Variants in GLB1L2 observed in about 807,000 individuals in gnomAD.
The protein encoded by GLB1L2 is galactosidase beta 1 like 2.
GLB1L2 carries 68 observed loss-of-function variants against 84.1 expected under a neutral mutation model. That is an observed-to-expected ratio of 0.81 (90% CI 0.67 to 0.99). The LOEUF is 0.99. Ranked by LOEUF, GLB1L2 falls within the 50% of genes least tolerant of loss-of-function variation. The probability of loss-of-function intolerance (pLI) is 0.00; values close to 1 mark genes in which losing one functional copy is unlikely to be tolerated. For synonymous variants in GLB1L2, 290 were observed against 318.0 expected (o/e 0.91, Z 0.94); for missense variants, 762 against 805.6 (o/e 0.95, Z 0.66).
chr11:134,371,804 G>A lies in GLB1L2; in HGVS notation c.1481G>A (p.Gly494Glu), dbSNP rs1422038547. ...LVENRGRVNYGENIDDQRKGL... is the reference protein window; with the variant it reads ...LVENRGRVNYEENIDDQRKGL... The stretch of plus-strand genomic sequence containing the variant: ...GAGAATCGTGGGCGAGTCAACTATG[G>A]GGAGAATATTGATGACCAGCGCAAA... The change falls in exon 15 of 19, where the codon GGG (glycine) becomes GAG (glutamate). Residue 494 changes from glycine (G) to glutamate (E), a missense_variant. Coordinates refer to ENST00000535456, the MANE Select transcript of GLB1L2 (RefSeq NM_001370461.1). The A allele has an allele frequency of 6.2e-7, 1 of 1,614,166 alleles. No individual in the cohort carries two copies. The highest frequency in any genetic ancestry group is 2.2e-5 in the East Asian group (1 of 44,876).
intron 1 of GLB1L2, among the ~76,000 whole-genome samples, chr11:134,341,135 A>G (rs2136260837): frequency 6.6e-6 from 1 of 152,362 alleles, no homozygotes. Context: ...ACTTGTGGCT[A>G]TTCTCTCTAA....
rs775295524 is a variant in GLB1L2 at position 134,369,801 on chromosome 11, G to C, written c.1028-4G>C. The C allele has an allele frequency of 1.2e-5, 20 of 1,609,964 alleles. No homozygotes were observed. The highest frequency in any genetic ancestry group is 1.6e-5 in the Non-Finnish European group (19 of 1,176,596). On this transcript the variant is annotated splice_polypyrimidine_tract_variant and splice_region_variant and intron_variant, in intron 10 of 18. Transcript: ENST00000535456. The stretch of plus-strand genomic sequence containing the variant: ...TGACCATGACAGGGCCCGGTGTCTT[G>C]CAGACTATGATGCTGTGCTGACAGA...
rs1359769502 is a variant in GLB1L2, at chr11:134,374,935, C to T, written c.1825-37C>T. The T allele has an allele frequency of 1.0e-5, 16 of 1,583,076 alleles. 1 individual carries two copies. The highest frequency in any genetic ancestry group is 3.5e-4 in the Middle Eastern group (2 of 5,760). On this transcript the variant is annotated intron_variant, in intron 18 of 18. Coordinates refer to ENST00000535456, the MANE Select transcript of GLB1L2 (RefSeq NM_001370461.1). ...GCACCTCCCCTGGCTCCAGGACAGACGTCAGCTGCCCTCCCAGCCGGGCCC... is the reference window on the plus strand; with the variant it reads ...GCACCTCCCCTGGCTCCAGGACAGATGTCAGCTGCCCTCCCAGCCGGGCCC...
At chr11:134,346,183 G>A (rs1005129219) in intron 4 of GLB1L2, among the ~76,000 whole-genome samples, 1 of 152,088 alleles carries the variant, frequency 6.6e-6, no homozygotes, top group African/African-American at 2.4e-5. Context: ...CCCTTCCCTC[G>A]GGGGCATAGC....
At position 134,358,525 on chromosome 11, in the gene GLB1L2, C is replaced by A. The variant is rs1419106074; in HGVS notation, c.652-535C>A. ...TTTACAGCTGGGAGGATGCTTCCTG[C>A]TGTTCTGGGCATGGGCAGTGCACCG... is the stretch of plus-strand genomic sequence containing the variant. On this transcript the variant is annotated intron_variant, in intron 6 of 18. Transcript: ENST00000535456. Among the ~76,000 whole-genome samples, 5 of 152,398 alleles carry A rather than the reference C, an allele frequency of 3.3e-5. No homozygotes were observed. The East Asian group carries it at 7.7e-4, about 23-fold the overall frequency.
At chr11:134,342,714 C>T in intron 1 of GLB1L2, 40 bp from the exon 2 acceptor site, 1 of 1,577,772 alleles carries the variant, frequency 6.3e-7, no homozygotes, top group Non-Finnish European at 8.7e-7. Context: ...CTCTCTGCGG[C>T]CCGGAGCCTC....
In GLB1L2 at chr11:134,347,404, C is replaced by T. The variant is rs758174554; in HGVS notation, c.529C>T (p.His177Tyr). The change falls in exon 5 of 19, where the codon CAC becomes TAC. Residue 177 changes from histidine to tyrosine, a missense_variant. By Grantham distance (83) the His-to-Tyr change is moderately conservative. Coordinates refer to ENST00000535456, the MANE Select transcript of GLB1L2 (RefSeq NM_001370461.1). ...FTEAVDLYFD[H>Y]LMSRVVPLQY... Reference sequence around the variant, plus strand: ...CGAAGCAGTGGACCTTTATTTTGACCACCTGATGTCCAGGGTGGTGCCACT... The same window carrying T: ...CGAAGCAGTGGACCTTTATTTTGACTACCTGATGTCCAGGGTGGTGCCACT... 2 of 1,613,974 alleles carry T rather than the reference C, an allele frequency of 1.2e-6. No individual in the cohort carries two copies. Among genetic ancestry groups the T allele is most frequent in the Non-Finnish European group, 1.7e-6 (2 of 1,179,824 alleles).
intron 5 of GLB1L2, chr11:134,355,991 C>T: frequency 1.9e-6 from 1 of 522,218 alleles, no homozygotes; most frequent in Non-Finnish European, 3.7e-6. Context: ...CTTGTGAAAA[C>T]ATCATACAAT....
chr11:134,333,181 T>G (rs1943331236), intron 1 of GLB1L2, among the ~76,000 whole-genome samples: 1 of 152,172 alleles, frequency 6.6e-6, no homozygotes, highest in Admixed American at 6.5e-5. Context: ...CAAGACTGGA[T>G]TCTTGTTTCT....
chr11:134,358,774 A>G (rs912236180), intron 6 of GLB1L2, among the ~76,000 whole-genome samples: 2 of 148,958 alleles, frequency 1.3e-5, no homozygotes, highest in Non-Finnish European at 1.5e-5. Flanking sequence ...AGACTCGCCT[A>G]GGCATGCTAG....
chr11:134,370,979 G>A lies in GLB1L2; in HGVS notation c.1216-29G>A. The A allele has an allele frequency of 1.2e-6, 2 of 1,612,670 alleles. No homozygotes were observed. The highest frequency in any genetic ancestry group is 1.7e-6 in the Non-Finnish European group (2 of 1,179,266). ...CTGTGACCCCACTCCTCCTGAGCCT[G>A]CCCACCCCTCCATCTCTTCTGTACG... On this transcript the variant is annotated intron_variant, in intron 12 of 18. Coordinates refer to ENST00000535456, the MANE Select transcript of GLB1L2 (RefSeq NM_001370461.1). This position sits in a 1 kb window ranked among gnomAD's most constrained non-coding sequence, Gnocchi z 4.7.
intron 2 of GLB1L2, among the ~76,000 whole-genome samples, chr11:134,344,133 CTG>C (rs1943510206): frequency 6.6e-6 from 1 of 152,196 alleles, no homozygotes; most frequent in East Asian, 1.9e-4. Context: ...GGTAAGCTAA[CTG>C]GGGTCAGAGC....
intron 5 of GLB1L2, among the ~76,000 whole-genome samples, chr11:134,350,230 T>C (rs1002446160): frequency 7.9e-5 from 12 of 152,192 alleles, no homozygotes; most frequent in African/African-American, 2.9e-4. Flanking sequence ...CTGCCTTTCA[T>C]GTTTACCTAG....
rs370709989 is a variant in GLB1L2 at position 134,339,618 on chromosome 11, C to T, written c.87-3136C>T. Among the ~76,000 whole-genome samples the T allele has an allele frequency of 1.4e-4, 21 of 152,056 alleles. No individual in the cohort carries two copies. Among genetic ancestry groups the T allele is most frequent in the South Asian group, 1.0e-3 (5 of 4,812 alleles). On this transcript the variant is annotated intron_variant, in intron 1 of 18. Coordinates refer to ENST00000535456, the MANE Select transcript of GLB1L2 (RefSeq NM_001370461.1). The surrounding 1 kb of genome is among the most constrained non-coding windows in gnomAD (Gnocchi z 5.7). ...TCCTCTTGCTATGCACTGAGAAGAA[C>T]GTTTCATTCTAAAAATATAGAAAAT...
At chr11:134,369,933 T>C (rs1171204925) in intron 11 of GLB1L2, 48 bp downstream of exon 11, 2 of 1,513,226 alleles carry the variant, frequency 1.3e-6, no homozygotes, top group East Asian at 4.5e-5. Flanking sequence ...CCCTCGCTTC[T>C]GCTCTCAGAC....
At chr11:134,359,444 G>C in intron 7 of GLB1L2, 1 of 247,102 alleles carries the variant, frequency 4.0e-6, no homozygotes, top group Non-Finnish European at 7.7e-6. Flanking sequence ...TCGCAGCTCC[G>C]TTCTTCCCAG....
intron 1 of GLB1L2, among the ~76,000 whole-genome samples, chr11:134,337,175 C>T (rs566115289): frequency 3.3e-5 from 5 of 152,202 alleles, no homozygotes; most frequent in Non-Finnish European, 7.3e-5. Context: ...GGGTTCCTGC[C>T]TTACCTGGGA....
chr11:134,374,122 C>T, intron 16 of GLB1L2, 23 bp from the exon 17 acceptor site: 3 of 1,552,602 alleles, frequency 1.9e-6, no homozygotes, highest in Non-Finnish European at 2.7e-6. Context: ...TCCTCCCTCT[C>T]CTTCTCTGTG....
chr11:134,371,776 G>A lies in GLB1L2; in HGVS notation c.1453G>A (p.Val485Met). ...IQGYTVLRIL[V>M]ENRGRVNYGE... is the part of the protein sequence containing the mutation. ...GGGTTACACCGTGCTGAGGATCTTG[G>A]TGGAGAATCGTGGGCGAGTCAACTA... Residue 485 changes from valine (V) to methionine (M), a missense_variant, in exon 15 of 19, where the codon GTG (valine) becomes ATG (methionine). Physicochemically the swap from Val to Met is conservative, Grantham distance 21. Transcript: ENST00000535456. 1 of 1,614,214 alleles carries A rather than the reference G, an allele frequency of 6.2e-7. No individual in the cohort carries two copies. The highest frequency in any genetic ancestry group is 8.5e-7 in the Non-Finnish European group (1 of 1,180,048).
Sources: allele counts gnomAD v4.1 joint callset (sites outside exome capture counted in the v4.1 genomes callset), GRCh38; gene constraint gnomAD v4.1.1; non-coding constraint Gnocchi (gnomAD v3.1); transcripts MANE v1.5; gene names NCBI Gene and HGNC (gene_info 2026-07-23, HGNC 2026-07-21).